The following CHRM2 variants were observed in gnomAD, a reference collection of about 807,000 sequenced individuals.
CHRM2 encodes cholinergic receptor muscarinic 2.
A neutral mutation model predicts 25.0 loss-of-function variants in CHRM2; 8 were observed. The observed-to-expected ratio is 0.32, with a 90% CI of 0.19 to 0.58. The LOEUF (loss-of-function observed/expected upper bound fraction) is 0.58, where lower values mean the gene tolerates loss of function less well. CHRM2 is among the 20% of genes least tolerant of loss of function. The pLI is 0.88. For missense variants in CHRM2, 440 were observed against 567.1 expected (o/e 0.78, Z 2.28); for synonymous variants, 202 against 205.7 (o/e 0.98, Z 0.15).
intron 2 of CHRM2, among the ~76,000 whole-genome samples, chr7:136,987,268 T>C (rs1802918582): frequency 1.3e-5 from 2 of 152,208 alleles, no homozygotes; most frequent in Non-Finnish European, 2.9e-5. Flanking sequence ...AAGTTCCTTC[T>C]TTTGCTGCAA....
intron 2 of CHRM2, among the ~76,000 whole-genome samples, chr7:136,919,935 G>A (rs763050815): frequency 1.1e-4 from 16 of 152,050 alleles, no homozygotes; most frequent in Admixed American, 2.0e-4. Flanking sequence ...TCATGGTGAC[G>A]TGGTCTTTTT....
chr7:136,905,094 A>T (rs571357642), intron 2 of CHRM2, among the ~76,000 whole-genome samples: 1 of 152,016 alleles, frequency 6.6e-6, no homozygotes, highest in African/African-American at 2.4e-5. Context: ...AATAATTTTA[A>T]TTTTTAAAAT....
chr7:137,008,926 A>C (rs552132821), intron 3 of CHRM2, among the ~76,000 whole-genome samples: 1 of 152,204 alleles, frequency 6.6e-6, no homozygotes, highest in Admixed American at 6.6e-5. Flanking sequence ...TGGAAATGAC[A>C]TGGTCCAGGA....
rs183520631 is a variant in CHRM2, at chr7:136,977,788, G to T, written c.-124-14399G>T. Among the ~76,000 whole-genome samples, 23 of 152,186 alleles carry T rather than the reference G, an allele frequency of 1.5e-4. 1 individual carries two copies. The highest frequency in any genetic ancestry group is 1.4e-3 in the Admixed American group (22 of 15,282). On this transcript the variant is annotated intron_variant, in intron 2 of 3. Transcript: ENST00000680005. ...TTTTCTTGTTGCAATTGCTTTTGGGGACCTACCCATAAATTCTTTACCAAG... is the reference window on the plus strand; with the variant it reads ...TTTTCTTGTTGCAATTGCTTTTGGGTACCTACCCATAAATTCTTTACCAAG...
intron 3 of CHRM2, among the ~76,000 whole-genome samples, chr7:137,001,534 G>GT (rs1804033813): frequency 6.6e-6 from 1 of 152,136 alleles, no homozygotes. Context: ...TTTGAGCTAA[G>GT]TATTTCCTTC....
intron 2 of CHRM2, among the ~76,000 whole-genome samples, chr7:136,950,666 A>C (rs559982173): frequency 6.6e-6 from 1 of 152,348 alleles, no homozygotes; most frequent in African/African-American, 2.4e-5. Flanking sequence ...CAAAAAAAGA[A>C]AAAGAAAATA....
chr7:136,880,822 AG>A (rs1168457197), intron 2 of CHRM2, among the ~76,000 whole-genome samples: 1 of 151,794 alleles, frequency 6.6e-6, no homozygotes, highest in Non-Finnish European at 1.5e-5. Context: ...AGTTTACATT[AG>A]GGTTCCTGCT....
chr7:136,934,786 G>A (rs1280044882), intron 2 of CHRM2, among the ~76,000 whole-genome samples: 1 of 151,468 alleles, frequency 6.6e-6, no homozygotes. Context: ...AATAATAGAA[G>A]AGTTCTGTAA....
intron 2 of CHRM2, among the ~76,000 whole-genome samples, chr7:136,977,033 T>C (rs1256535646): frequency 5.3e-5 from 8 of 152,228 alleles, no homozygotes; most frequent in African/African-American, 1.7e-4. Flanking sequence ...TGTACTACTA[T>C]TGGCTTTTAG....
chr7:136,926,248 T>C (rs1798743407), intron 2 of CHRM2, among the ~76,000 whole-genome samples: 2 of 151,188 alleles, frequency 1.3e-5, no homozygotes, highest in South Asian at 2.1e-4. Context: ...ATAAAATAAA[T>C]AGATAAAAAT....
At position 136,921,794 on chromosome 7, in the gene CHRM2, C is replaced by CTTTTTTTTTTTTTTTTTTTT. The variant is rs398006503; in HGVS notation, c.-125+52384_-125+52385insTTTTTTTTTTTTTTTTTTTT. On this transcript the variant is annotated intron_variant, in intron 2 of 3. Transcript: ENST00000680005. ...TCTTTCTTTCTTTCTTTCTTTCTTT[C>CTTTTTTTTTTTTTTTTTTTT]TTTTTTTTGAGACAGATTCTCACTC... Among the ~76,000 whole-genome samples, 6 of 116,626 alleles carry CTTTTTTTTTTTTTTTTTTTT rather than the reference C, an allele frequency of 5.1e-5. 1 individual carries two copies. Among genetic ancestry groups the CTTTTTTTTTTTTTTTTTTTT allele is most frequent in the Non-Finnish European group, 1.2e-4 (6 of 48,778 alleles). The allele number at this position is 116,626 out of a possible 152,430, so 76.5% of individuals were successfully genotyped here. A position where few individuals can be genotyped will look rare whatever the true frequency, so the allele number is the denominator to read the frequency against.
At chr7:136,997,047 T>TTC (rs1046310101) in intron 3 of CHRM2, among the ~76,000 whole-genome samples, 1 of 151,952 alleles carries the variant, frequency 6.6e-6, no homozygotes, top group African/African-American at 2.4e-5. Context: ...GCTTTTCTGA[T>TTC]TCTCCCCCTC....
chr7:136,923,275 T>C (rs1219147401), intron 2 of CHRM2, among the ~76,000 whole-genome samples: 2 of 151,814 alleles, frequency 1.3e-5, no homozygotes, highest in African/African-American at 2.4e-5. Context: ...TTTTTTTTTT[T>C]TTCCTACTGT....
chr7:136,923,150 TC>T (rs1232645014), intron 2 of CHRM2, among the ~76,000 whole-genome samples: 1 of 152,164 alleles, frequency 6.6e-6, no homozygotes, highest in Non-Finnish European at 1.5e-5. Context: ...GAAGATATTT[TC>T]TTTAAGTCAT....
Position 136,880,160 on chromosome 7 carries a change from G to C in CHRM2, c.-125+10742G>C, listed in dbSNP as rs142722953. ...CTGGTCCGGTTTAATTCCGTTATTT[G>C]AGTAGACATGGGATTCTAGAGTATT... is the stretch of plus-strand genomic sequence containing the variant. On this transcript the variant is annotated intron_variant, in intron 2 of 3. Coordinates refer to ENST00000680005, the MANE Select transcript of CHRM2 (RefSeq NM_001006630.2). 4.3e-4 allele frequency among the ~76,000 whole-genome samples: 65 copies of C among 150,904 alleles called. 2 individuals are homozygous for C. In the East Asian group the frequency reaches 7.0e-3, roughly 16 times the overall value.
intron 2 of CHRM2, among the ~76,000 whole-genome samples, chr7:136,906,037 C>T (rs1278046911): frequency 6.6e-6 from 1 of 150,430 alleles, no homozygotes; most frequent in East Asian, 2.0e-4. Flanking sequence ...TGTCAAATTA[C>T]TACTATTTAA....
chr7:136,930,118 G>A lies in CHRM2; in HGVS notation c.-125+60700G>A, dbSNP rs1798972225. ...AGAACAAAGAAGAAGCTCAATAAAT[G>A]CATGTATGAGAAGCACTTAAAACAA... is the stretch of plus-strand genomic sequence containing the variant. On this transcript the variant is annotated intron_variant, in intron 2 of 3. Transcript: ENST00000680005. Among the ~76,000 whole-genome samples the A allele has an allele frequency of 2.6e-5, 4 of 151,944 alleles. No homozygotes were observed. The South Asian group carries it at 8.3e-4, about 32-fold the overall frequency.
chr7:136,878,235 A>T (rs1247531262), intron 2 of CHRM2, among the ~76,000 whole-genome samples: 1 of 152,000 alleles, frequency 6.6e-6, no homozygotes, highest in East Asian at 1.9e-4. Context: ...GGGCCAAAGC[A>T]TGTTTCCCAG....
chr7:136,938,376 C>T, intron 2 of CHRM2: 1 of 1,588,304 alleles, frequency 6.3e-7, no homozygotes, highest in South Asian at 1.1e-5. Context: ...TGGTCTCCAG[C>T]ATCTTGTTCT....
Sources: gnomAD v4.1 joint callset for allele counts (sites outside exome capture counted in the v4.1 genomes callset) on GRCh38, gnomAD v4.1.1 for gene constraint, MANE v1.5 for transcripts, NCBI Gene and HGNC (gene_info 2026-07-23, HGNC 2026-07-21) for gene names.